The following PTPRT variants were observed in gnomAD, a reference collection of about 807,000 sequenced individuals.
PTPRT encodes receptor-type tyrosine-protein phosphatase T.
PTPRT carries 56 observed loss-of-function variants against 176.8 expected under a neutral mutation model. The ratio of observed to expected loss-of-function variants is 0.32; its 90% CI spans 0.26 to 0.40. The LOEUF (loss-of-function observed/expected upper bound fraction) is 0.40. Ranked by LOEUF, PTPRT falls within the 10% of genes least tolerant of loss-of-function variation. The probability of loss-of-function intolerance (pLI) is 1.00; values close to 1 mark genes in which losing one functional copy is unlikely to be tolerated. For missense variants in PTPRT, 1,540 were observed against 1,908.2 expected, an observed-to-expected ratio of 0.81 and a Z score of 3.60; for synonymous variants, 783 against 739.0, an observed-to-expected ratio of 1.06 and a Z score of -0.96.
intron 9 of PTPRT, among the ~76,000 whole-genome samples, chr20:42,411,679 A>T (rs1168067881): frequency 6.6e-6 from 1 of 152,172 alleles, no homozygotes; most frequent in African/African-American, 2.4e-5. Context: ...AAAAGGAAAA[A>T]TAAATATTAG....
chr20:43,132,708 T>TATAACCGAATAAA (rs1161873114), intron 1 of PTPRT, among the ~76,000 whole-genome samples: 1 of 152,072 alleles, frequency 6.6e-6, no homozygotes, highest in African/African-American at 2.4e-5. Flanking sequence ...GACAAGGAAA[T>TATAACCGAATAAA]ATAACCGAAT....
chr20:42,150,467 G>T lies in PTPRT; in HGVS notation c.2683-8465C>A, dbSNP rs75239111. Among the ~76,000 whole-genome samples the T allele has an allele frequency of 8.4e-3, 1,279 of 152,288 alleles. 16 individuals are homozygous for T. Among genetic ancestry groups the T allele is most frequent in the African/African-American group, 0.029 (1,188 of 41,554 alleles). The stretch of plus-strand genomic sequence containing the variant: ...GCCGCCTCCATGTTCAGTCCAGCCT[G>T]CCAGGATTTCTCCACACCCCTGTCC... On this transcript the variant is annotated intron_variant, in intron 17 of 30. Transcript: ENST00000373187.
At chr20:42,230,391 T>C (rs531588357) in intron 15 of PTPRT, among the ~76,000 whole-genome samples, 1 of 152,294 alleles carries the variant, frequency 6.6e-6, no homozygotes, top group East Asian at 1.9e-4. Context: ...ATACCTCTGT[T>C]CAAAACAATT....
intron 6 of PTPRT, among the ~76,000 whole-genome samples, chr20:42,703,537 CAT>C (rs1314849382): frequency 3.3e-5 from 5 of 152,168 alleles, no homozygotes; most frequent in African/African-American, 4.8e-5. Flanking sequence ...GGCCCAGCAA[CAT>C]AGAGTTCTCA....
At chr20:42,752,417 C>A (rs2076781324) in intron 6 of PTPRT, among the ~76,000 whole-genome samples, 1 of 152,154 alleles carries the variant, frequency 6.6e-6, no homozygotes, top group African/African-American at 2.4e-5. Context: ...TGTTCAAGGT[C>A]ACAGAGTTGG....
At chr20:42,674,025 C>T (rs1471104932) in intron 7 of PTPRT, among the ~76,000 whole-genome samples, 1 of 152,180 alleles carries the variant, frequency 6.6e-6, no homozygotes, top group Non-Finnish European at 1.5e-5. Context: ...TACTCTCTCA[C>T]TTTCTGTTTT....
At chr20:42,278,981 T>C (rs1485803032) in intron 13 of PTPRT, among the ~76,000 whole-genome samples, 4 of 152,154 alleles carry the variant, frequency 2.6e-5, no homozygotes, top group African/African-American at 9.7e-5. Context: ...CCCTGCTCAC[T>C]TGCCCTTTCT....
At chr20:42,172,292 C>G (rs1990112150) in intron 16 of PTPRT, among the ~76,000 whole-genome samples, 1 of 152,118 alleles carries the variant, frequency 6.6e-6, no homozygotes, top group Admixed American at 6.5e-5. Context: ...CAAAAGCTGG[C>G]TCTTTCCTTT....
chr20:42,309,552 C>T (rs963212684), intron 12 of PTPRT, among the ~76,000 whole-genome samples: 3 of 152,170 alleles, frequency 2.0e-5, no homozygotes, highest in Admixed American at 6.5e-5. Context: ...TCTCATTCTA[C>T]GCTGAATGGA....
At chr20:42,575,647 A>G (rs2073245589) in intron 7 of PTPRT, among the ~76,000 whole-genome samples, 1 of 151,894 alleles carries the variant, frequency 6.6e-6, no homozygotes, top group Non-Finnish European at 1.5e-5. Context: ...ACCCTACTCA[A>G]CTCTACCGTT....
At chr20:43,020,829 A>G (rs78646345) in intron 1 of PTPRT, among the ~76,000 whole-genome samples, 3,613 of 152,284 alleles carry the variant, frequency 0.024, 156 homozygotes, top group African/African-American at 0.082. Flanking sequence ...TATAAGCTCT[A>G]TCTTTCCCAT....
chr20:42,118,351 C>G, intron 21 of PTPRT, 52 bp downstream of exon 21: 2 of 1,474,682 alleles, frequency 1.4e-6, no homozygotes, highest in Non-Finnish European at 1.9e-6. Flanking sequence ...AAGAGATGTT[C>G]GAGAGTGCAT....
chr20:42,640,681 C>T (rs6102967), intron 7 of PTPRT, among the ~76,000 whole-genome samples: 59,031 of 151,952 alleles, frequency 0.39, 13,774 homozygotes, highest in African/African-American at 0.66. Context: ...AGAATCTTCT[C>T]TAATCAACAC....
At chr20:42,142,250 T>A (rs891886875) in intron 17 of PTPRT, among the ~76,000 whole-genome samples, 1 of 152,114 alleles carries the variant, frequency 6.6e-6, no homozygotes, top group African/African-American at 2.4e-5. Context: ...AGTGGGGGAA[T>A]CGCTTGTCCA....
intron 6 of PTPRT, among the ~76,000 whole-genome samples, chr20:42,711,507 C>G (rs2076144206): frequency 6.6e-6 from 1 of 152,132 alleles, no homozygotes; most frequent in Non-Finnish European, 1.5e-5. Flanking sequence ...AATGGTTTCC[C>G]TTTGCCTTCC....
At chr20:42,882,052 G>C (rs990765013) in intron 2 of PTPRT, among the ~76,000 whole-genome samples, 1 of 152,182 alleles carries the variant, frequency 6.6e-6, no homozygotes, top group Non-Finnish European at 1.5e-5. Context: ...GAGTTACCCA[G>C]ACCAAGTATA....
At chr20:42,356,611 A>G (rs766847820) in intron 9 of PTPRT, among the ~76,000 whole-genome samples, 7 of 152,098 alleles carry the variant, frequency 4.6e-5, no homozygotes, top group Non-Finnish European at 7.4e-5. Context: ...CAGGAGAATC[A>G]CTTGAACCTG....
At chr20:43,158,894 T>C (rs555121893) in intron 1 of PTPRT, among the ~76,000 whole-genome samples, 1 of 152,330 alleles carries the variant, frequency 6.6e-6, no homozygotes, top group South Asian at 2.1e-4. Flanking sequence ...GTGCAGTAAG[T>C]GACAAAATCC....
At chr20:43,006,926 C>T (rs1468488711) in intron 1 of PTPRT, among the ~76,000 whole-genome samples, 1 of 152,186 alleles carries the variant, frequency 6.6e-6, no homozygotes, top group African/African-American at 2.4e-5. Flanking sequence ...AGACCACACA[C>T]AGTAAGTGTA....
Sources: allele counts gnomAD v4.1 joint callset (sites outside exome capture counted in the v4.1 genomes callset), GRCh38; gene constraint gnomAD v4.1.1; transcripts MANE v1.5; gene names NCBI Gene and HGNC (gene_info 2026-07-23, HGNC 2026-07-21).